The following MAGI1 variants were observed in gnomAD, a reference collection of about 807,000 sequenced individuals.
MAGI1 encodes the protein membrane associated guanylate kinase, WW and PDZ domain containing 1.
Under a neutral mutation model 139.9 loss-of-function variants are expected in MAGI1, and 58 were observed. The ratio of observed to expected loss-of-function variants is 0.41; its 90% CI spans 0.34 to 0.52. MAGI1 has a LOEUF of 0.52. MAGI1 is among the 20% of genes least tolerant of loss of function. The pLI, the probability that MAGI1 is intolerant of heterozygous loss-of-function variation, is 0.12. For synonymous variants in MAGI1, 812 were observed against 737.9 expected, an observed-to-expected ratio of 1.10 and a Z score of -1.63; for missense variants, 1,874 against 1,901.6, an observed-to-expected ratio of 0.99 and a Z score of 0.27.
At chr3:65,565,587 T>C (rs1052209201) in intron 2 of MAGI1, among the ~76,000 whole-genome samples, 13 of 152,080 alleles carry the variant, frequency 8.5e-5, no homozygotes, top group African/African-American at 2.2e-4. Context: ...TCGGGCACGG[T>C]GACTCATGAC....
intron 1 of MAGI1, among the ~76,000 whole-genome samples, chr3:65,745,825 G>A (rs1369692332): frequency 6.6e-6 from 1 of 152,150 alleles, no homozygotes; most frequent in Non-Finnish European, 1.5e-5. Flanking sequence ...AGACTCCCAG[G>A]CTCATGCAGT....
At position 65,724,062 on chromosome 3, in the gene MAGI1, G is replaced by C. The variant is rs1156414859; in HGVS notation, c.314-101974C>G. On this transcript the variant is annotated intron_variant, in intron 1 of 22. Transcript: ENST00000402939. The stretch of plus-strand genomic sequence containing the variant: ...GCAAAGCATTGACAATGATATGCCT[G>C]AACAGACAGGTTTAATTAGCCCAAA... Among the ~76,000 whole-genome samples the C allele has an allele frequency of 5.3e-5, 8 of 152,226 alleles. No homozygotes were observed. The South Asian group carries it at 1.7e-3, about 32-fold the overall frequency.
intron 1 of MAGI1, among the ~76,000 whole-genome samples, chr3:65,943,227 C>A (rs970779940): frequency 6.6e-6 from 1 of 152,038 alleles, no homozygotes; most frequent in Non-Finnish European, 1.5e-5. Flanking sequence ...GAGAAACATT[C>A]TTTGAAAATG....
At position 65,981,173 on chromosome 3, in the gene MAGI1, G is replaced by GAAAGA. The variant is rs374240448; in HGVS notation, c.313+56818_313+56822dup. ...TCTCAAAAAAAAAAAAAAAGAAAAG[G>GAAAGA]AAAGAAAAGAAATTTAATTTCCTAG... On this transcript the variant is annotated intron_variant, in intron 1 of 22. Transcript: ENST00000402939. Among the ~76,000 whole-genome samples the GAAAGA allele has an allele frequency of 1.1e-4, 16 of 150,108 alleles. 1 individual carries two copies. Among genetic ancestry groups the GAAAGA allele is most frequent in the African/African-American group, 3.9e-4 (16 of 40,848 alleles).
intron 1 of MAGI1, among the ~76,000 whole-genome samples, chr3:65,682,822 AT>A (rs1244214558): frequency 1.3e-5 from 2 of 152,096 alleles, no homozygotes; most frequent in Non-Finnish European, 2.9e-5. Flanking sequence ...AACACAGAGG[AT>A]TTTCAGGGCA....
chr3:65,866,160 C>T (rs1405519302), intron 1 of MAGI1, among the ~76,000 whole-genome samples: 3 of 150,568 alleles, frequency 2.0e-5, no homozygotes, highest in South Asian at 2.1e-4. Context: ...ATATATACTA[C>T]GTATAAAGAA....
intron 1 of MAGI1, among the ~76,000 whole-genome samples, chr3:65,787,509 C>G (rs936498517): frequency 2.0e-5 from 3 of 150,596 alleles, no homozygotes; most frequent in East Asian, 1.9e-4. Flanking sequence ...GGAACTAACT[C>G]TCACACATCA....
chr3:66,004,532 T>C (rs1010464390), intron 1 of MAGI1, among the ~76,000 whole-genome samples: 19 of 152,220 alleles, frequency 1.2e-4, no homozygotes, highest in Non-Finnish European at 2.1e-4. Flanking sequence ...AAGAGTCACA[T>C]GGTGTGACTT....
chr3:65,624,709 T>C (rs1438033211), intron 1 of MAGI1, among the ~76,000 whole-genome samples: 3 of 152,132 alleles, frequency 2.0e-5, no homozygotes, highest in African/African-American at 7.2e-5. Flanking sequence ...CCATTGGAAA[T>C]TGAGAAAACA....
intron 1 of MAGI1, among the ~76,000 whole-genome samples, chr3:65,733,533 C>T (rs1289750686): frequency 1.3e-5 from 2 of 152,198 alleles, no homozygotes; most frequent in African/African-American, 4.8e-5. Context: ...TCAGTGGCAA[C>T]TGCAATCCAA....
intron 1 of MAGI1, among the ~76,000 whole-genome samples, chr3:65,763,452 G>A (rs34179090): frequency 0.23 from 35,037 of 151,978 alleles, 4,829 homozygotes; most frequent in East Asian, 0.48. Flanking sequence ...AAACTAGGAA[G>A]GTGAAGGTAA....
intron 3 of MAGI1, among the ~76,000 whole-genome samples, chr3:65,492,697 T>C (rs1402458975): frequency 1.3e-5 from 2 of 152,180 alleles, no homozygotes; most frequent in Non-Finnish European, 2.9e-5. Context: ...CACGCATGTC[T>C]GTATTGACAT....
chr3:65,952,870 T>G (rs565714022), intron 1 of MAGI1, among the ~76,000 whole-genome samples: 1 of 152,288 alleles, frequency 6.6e-6, no homozygotes, highest in South Asian at 2.1e-4. Flanking sequence ...CTTCATATAA[T>G]TAACTGTACA....
intron 1 of MAGI1, among the ~76,000 whole-genome samples, chr3:65,667,647 G>A (rs927428986): frequency 5.9e-5 from 9 of 152,060 alleles, no homozygotes; most frequent in Admixed American, 2.0e-4. Context: ...TCATGGCTCC[G>A]TGCAGCCTCA....
At chr3:65,630,997 C>G (rs1225260138) in intron 1 of MAGI1, among the ~76,000 whole-genome samples, 1 of 152,196 alleles carries the variant, frequency 6.6e-6, no homozygotes, top group African/African-American at 2.4e-5. Context: ...AGGACGTGGT[C>G]TAAATATCAA....
chr3:65,456,379 ATT>A (rs201447876), intron 5 of MAGI1, among the ~76,000 whole-genome samples: 3 of 142,506 alleles, frequency 2.1e-5, no homozygotes, highest in Admixed American at 7.0e-5. Flanking sequence ...ATGGTTTGAT[ATT>A]TTTTTTTTTT....
intron 1 of MAGI1, among the ~76,000 whole-genome samples, chr3:65,801,600 C>T (rs12631008): frequency 0.26 from 38,866 of 152,072 alleles, 5,264 homozygotes; most frequent in East Asian, 0.42. Context: ...CAGCCTCCTT[C>T]ACTTTCTAAC....
intron 3 of MAGI1, among the ~76,000 whole-genome samples, chr3:65,485,660 C>T (rs1346532120): frequency 6.6e-6 from 1 of 152,180 alleles, no homozygotes; most frequent in Admixed American, 6.5e-5. Flanking sequence ...CAAAGAACAA[C>T]ATTTTTTAAA....
At chr3:65,622,468 T>G (rs57913987) in intron 1 of MAGI1, among the ~76,000 whole-genome samples, 2 of 152,238 alleles carry the variant, frequency 1.3e-5, no homozygotes, top group African/African-American at 4.8e-5. Context: ...TCATAAAATG[T>G]TCTTTGACCA....
Sources: gnomAD v4.1 joint callset for allele counts (sites outside exome capture counted in the v4.1 genomes callset) on GRCh38, gnomAD v4.1.1 for gene constraint, MANE v1.5 for transcripts, NCBI Gene and HGNC (gene_info 2026-07-23, HGNC 2026-07-21) for gene names.